Variants in DUSP14 observed in about 807,000 individuals in gnomAD.
DUSP14 encodes dual specificity protein phosphatase 14.
Under a neutral mutation model 13.2 loss-of-function variants are expected in DUSP14, and 5 were observed. That is an observed-to-expected ratio of 0.38 (90% CI 0.20 to 0.80). The LOEUF (loss-of-function observed/expected upper bound fraction) is 0.80. Among genes scored for constraint, DUSP14 ranks in the 30% least tolerant of loss-of-function variants. The pLI is 0.44. For synonymous variants in DUSP14, 91 were observed against 103.4 expected (o/e 0.88, Z 0.73); for missense variants, 185 against 264.0 (o/e 0.70, Z 2.07).
At chr17:37,489,673 G>T (rs556354598), upstream of DUSP14, among the ~76,000 whole-genome samples, 1 of 151,824 alleles carries the variant, frequency 6.6e-6, no homozygotes, top group African/African-American at 2.4e-5. Context: ...AGCGCTCTAG[G>T]GGAGGCTGCT....
At chr17:37,508,915 TAGC>T (rs983434434) in intron 1 of DUSP14, among the ~76,000 whole-genome samples, 21 of 148,218 alleles carry the variant, frequency 1.4e-4, no homozygotes, top group Admixed American at 4.7e-4. Context: ...TGGATGCTCA[TAGC>T]AGCTGTACTC....
chr17:37,490,694 G>A (rs1042225434), intron 1 of DUSP14, among the ~76,000 whole-genome samples: 4 of 146,896 alleles, frequency 2.7e-5, no homozygotes, highest in Non-Finnish European at 3.0e-5. Context: ...GTTTTACCAT[G>A]CAGAGATTTT....
At chr17:37,490,807 G>GTT (rs936632338) in intron 1 of DUSP14, among the ~76,000 whole-genome samples, 1 of 152,094 alleles carries the variant, frequency 6.6e-6, no homozygotes, top group African/African-American at 2.4e-5. Context: ...AGAGAGGGGG[G>GTT]TGGAGAGCGT....
intron 1 of DUSP14, among the ~76,000 whole-genome samples, chr17:37,499,039 A>G (rs557454553): frequency 1.3e-5 from 2 of 152,346 alleles, no homozygotes; most frequent in Non-Finnish European, 2.9e-5. Flanking sequence ...TGCTATGAAG[A>G]ACTGCCTGAG....
At chr17:37,489,787 T>TC (rs2054012871), upstream of DUSP14, 1 of 136,342 alleles carries the variant, frequency 7.3e-6, no homozygotes, top group East Asian at 2.7e-4. Flanking sequence ...CCGCGTCGCG[T>TC]CCCCCCACCT....
intron 1 of DUSP14, among the ~76,000 whole-genome samples, chr17:37,493,737 C>T (rs905414440): frequency 4.7e-5 from 7 of 148,348 alleles, no homozygotes; most frequent in Admixed American, 2.0e-4. Context: ...AAATGAAGTA[C>T]TAAAAATAAG....
chr17:37,500,144 G>T (rs189059588), intron 1 of DUSP14, among the ~76,000 whole-genome samples: 1 of 152,144 alleles, frequency 6.6e-6, no homozygotes, highest in Admixed American at 6.6e-5. Flanking sequence ...ACTCTAGCGT[G>T]GTAATTATAG....
chr17:37,495,804 C>T (rs965603041), intron 1 of DUSP14, among the ~76,000 whole-genome samples: 29 of 152,060 alleles, frequency 1.9e-4, no homozygotes, highest in African/African-American at 5.3e-4. Context: ...GGATTACAGG[C>T]GCATGCCACC....
At chr17:37,505,374 AAAAG>A (rs1160292301) in intron 1 of DUSP14, among the ~76,000 whole-genome samples, 2 of 152,214 alleles carry the variant, frequency 1.3e-5, no homozygotes, top group Non-Finnish European at 1.5e-5. Flanking sequence ...TCTCAAAACA[AAAAG>A]AACTAGACAG....
intron 1 of DUSP14, among the ~76,000 whole-genome samples, chr17:37,500,761 A>G (rs2054099110): frequency 6.6e-6 from 1 of 152,206 alleles, no homozygotes; most frequent in African/African-American, 2.4e-5. Flanking sequence ...ACAAGTTTAA[A>G]TACAGCTGTG....
rs146424914 is a variant in DUSP14, at chr17:37,502,577, C to T, written c.-180-8100C>T. The stretch of plus-strand genomic sequence containing the variant: ...CAACTTGCTTTTGCTTCACAATGTC[C>T]GAGGCCTTAGGTAGGAGATTCAAAG... On this transcript the variant is annotated intron_variant, in intron 1 of 2. Transcript: ENST00000617516. Among the ~76,000 whole-genome samples the T allele has an allele frequency of 1.8e-3, 268 of 152,136 alleles. 2 individuals carry two copies. The highest frequency in any genetic ancestry group is 6.1e-3 in the African/African-American group (253 of 41,498).
intron 1 of DUSP14, among the ~76,000 whole-genome samples, chr17:37,502,730 C>T (rs1457827982): frequency 2.6e-5 from 4 of 152,130 alleles, no homozygotes; most frequent in Admixed American, 6.5e-5. Flanking sequence ...ATGGCCTCTC[C>T]GTGTGGTAGC....
In DUSP14 at chr17:37,513,035, A is replaced by G; in HGVS notation, c.*166A>G. 1 of 621,254 alleles carries G rather than the reference A, an allele frequency of 1.6e-6. No homozygotes were observed. Among genetic ancestry groups the G allele is most frequent in the East Asian group, 2.7e-5 (1 of 36,988 alleles). 38.5% of individuals were successfully genotyped at this position (621,254 alleles called of 1,614,324 possible). On this transcript the variant is annotated 3_prime_UTR_variant, in exon 3 of 3. Transcript: ENST00000617516. ...TAAGAGATAGGGAGGGAGGGGACATAAAGGGAATGCATACATTGCTAGTCA... is the reference window on the plus strand; with the variant it reads ...TAAGAGATAGGGAGGGAGGGGACATGAAGGGAATGCATACATTGCTAGTCA...
chr17:37,505,298 A>T (rs995380762), intron 1 of DUSP14, among the ~76,000 whole-genome samples: 2 of 152,164 alleles, frequency 1.3e-5, no homozygotes, highest in Non-Finnish European at 2.9e-5. Flanking sequence ...AGCCTGGGAG[A>T]TCAAGGCTAT....
chr17:37,512,740 G>C lies in DUSP14; in HGVS notation c.468G>C (p.Arg156Ser), dbSNP rs1322019731. 6.2e-7 allele frequency: 1 copy of C among 1,614,002 alleles called. No homozygotes were observed. Among genetic ancestry groups the C allele is most frequent in the Admixed American group, 1.7e-5 (1 of 60,030 alleles). The part of the protein sequence containing the change: ...PVIRPNVGFW[R>S]QLIDYERQLF... ...TCAGGCCCAACGTAGGCTTCTGGAG[G>C]CAACTGATAGACTACGAGCGCCAGC... Residue 156 changes from arginine (R) to serine (S), a missense_variant, in exon 3 of 3, where the codon AGG (arginine) becomes AGC (serine). Transcript: ENST00000617516. The surrounding 1 kb of genome is among the most constrained non-coding windows in gnomAD (Gnocchi z 4.8).
chr17:37,489,810 G>C (rs2054013101), upstream of DUSP14: 1 of 145,526 alleles, frequency 6.9e-6, no homozygotes, highest in African/African-American at 2.5e-5. Context: ...GGAGAGGGCG[G>C]CCAGGCGCAG....
intron 1 of DUSP14, among the ~76,000 whole-genome samples, chr17:37,506,096 C>G (rs914039073): frequency 1.3e-5 from 2 of 151,974 alleles, no homozygotes; most frequent in Non-Finnish European, 2.9e-5. Flanking sequence ...AACTCTGTTT[C>G]TACTAAAAAA....
chr17:37,512,605 T>G lies in DUSP14; in HGVS notation c.333T>G (p.Cys111Trp). The G allele has an allele frequency of 6.2e-7, 1 of 1,613,988 alleles. No individual in the cohort carries two copies. Among genetic ancestry groups the G allele is most frequent in the Non-Finnish European group, 8.5e-7 (1 of 1,179,880 alleles). ...AGCACGGGGCCACCTTGGTGCACTG[T>G]GCTGCAGGGGTGAGCCGCTCAGCCA... ...SRKHGATLVH[C>W]AAGVSRSATL... Residue 111 changes from cysteine (C) to tryptophan (W), a missense_variant, in exon 3 of 3, where the codon TGT becomes TGG. Transcript: ENST00000617516. This position sits in a 1 kb window ranked among gnomAD's most constrained non-coding sequence, Gnocchi z 4.8.
At chr17:37,490,700 AT>A (rs397709024) in intron 1 of DUSP14, among the ~76,000 whole-genome samples, 114 of 148,552 alleles carry the variant, frequency 7.7e-4, no homozygotes, top group African/African-American at 2.0e-3. Flanking sequence ...CCATGCAGAG[AT>A]TTTTTTTTTT....
Sources: allele counts gnomAD v4.1 joint callset (sites outside exome capture counted in the v4.1 genomes callset), GRCh38; gene constraint gnomAD v4.1.1; non-coding constraint Gnocchi (gnomAD v3.1); transcripts MANE v1.5; gene names NCBI Gene and HGNC (gene_info 2026-07-23, HGNC 2026-07-21).